The following KMT2B variants were observed in gnomAD, a reference collection of about 807,000 sequenced individuals.
The protein encoded by KMT2B is histone-lysine N-methyltransferase 2B.
KMT2B carries 22 observed loss-of-function variants against 255.3 expected under a neutral mutation model. The ratio of observed to expected loss-of-function variants is 0.09; its 90% CI spans 0.06 to 0.12. The LOEUF (loss-of-function observed/expected upper bound fraction) is 0.12, where lower values mean the gene tolerates loss of function less well. KMT2B is among the 10% of genes least tolerant of loss of function. The pLI, the probability that KMT2B is intolerant of heterozygous loss-of-function variation, is 1.00. For synonymous variants in KMT2B, 1,730 were observed against 1,498.1 expected, an observed-to-expected ratio of 1.15 and a Z score of -3.57; for missense variants, 3,149 against 3,737.0, an observed-to-expected ratio of 0.84 and a Z score of 4.10.
chr19:35,720,329 G>A lies in KMT2B; in HGVS notation c.982G>A (p.Gly328Ser). Residue 328 changes from glycine to serine, a missense_variant, in exon 3 of 37, where the codon GGT becomes AGT. By Grantham distance (56) the Gly-to-Ser change is moderately conservative. Transcript: ENST00000420124. ...GTCCTTGGGACTCGAATCAGGTCAA[G>A]GTCAAGGTCAACATGAGGAAAGTTG... Reference protein sequence around the residue: ...QLSLGLESGQGQGQHEESWQD... With the variant: ...QLSLGLESGQSQGQHEESWQD... 6.2e-7 allele frequency: 1 copy of A among 1,612,348 alleles called. No individual in the cohort carries two copies. Among genetic ancestry groups the A allele is most frequent in the Non-Finnish European group, 8.5e-7 (1 of 1,179,252 alleles).
chr19:35,737,043 G>A lies in KMT2B; in HGVS notation c.7373-43G>A, dbSNP rs1157217944. The A allele has an allele frequency of 1.2e-6, 2 of 1,609,908 alleles. No individual in the cohort carries two copies. The highest frequency in any genetic ancestry group is 1.7e-6 in the Non-Finnish European group (2 of 1,177,924). On this transcript the variant is annotated intron_variant, in intron 32 of 36. Coordinates refer to ENST00000420124, the MANE Select transcript of KMT2B (RefSeq NM_014727.3). This position sits in a 1 kb window ranked among gnomAD's most constrained non-coding sequence, Gnocchi z 5.3. ...CTGGATGTCTCCCCGAGGGCACCAT[G>A]GGCCCTCCACATGACAGGTGTGTCC...
At position 35,732,678 on chromosome 19, in the gene KMT2B, C is replaced by T. The variant is rs371790322; in HGVS notation, c.6129C>T (p.Ser2043=). The T allele has an allele frequency of 2.3e-5, 37 of 1,609,074 alleles. No individual in the cohort carries two copies. The highest frequency in any genetic ancestry group is 9.3e-5 in the African/African-American group (7 of 74,952). Residue 2043 remains serine (S), a synonymous_variant, in exon 28 of 37, where the codon TCC becomes TCT. Transcript: ENST00000420124. The part of the protein sequence containing the change: ...RYIHFPVTVV[S]APGLAPSATP... Reference sequence around the variant, plus strand: ...TCCACTTCCCTGTGACTGTGGTGTCCGCCCCTGGTCTGGCCCCCAGCGCTA... The same window carrying T: ...TCCACTTCCCTGTGACTGTGGTGTCTGCCCCTGGTCTGGCCCCCAGCGCTA...
Position 35,727,036 on chromosome 19 carries a change from T to C in KMT2B, c.4004-120T>C, listed in dbSNP as rs527732664. 2.3e-4 allele frequency: 133 copies of C among 571,318 alleles called. No individual in the cohort carries two copies. The African/African-American group carries it at 2.3e-3, about 10-fold the overall frequency. The allele number at this position is 571,318 out of a possible 1,614,324, so 35.4% of individuals were successfully genotyped here. On this transcript the variant is annotated intron_variant, in intron 14 of 36. Transcript: ENST00000420124. The surrounding 1 kb of genome is among the most constrained non-coding windows in gnomAD (Gnocchi z 4.2). ...TCCTCAAGGAGCTTTTAGGGACTAG[T>C]AGGGGCCCAAAACAGGGGCATAGTG...
In KMT2B at chr19:35,725,681, T is replaced by G; in HGVS notation, c.3790-42T>G. ...GGAGGCCTGAAGGTGAGGGCATCCC[T>G]GTGCCAGCAGGTTTCGCCATCTCTG... On this transcript the variant is annotated intron_variant, in intron 12 of 36. Transcript: ENST00000420124. This position sits in a 1 kb window ranked among gnomAD's most constrained non-coding sequence, Gnocchi z 4.1. The G allele has an allele frequency of 6.2e-7, 1 of 1,613,062 alleles. No homozygotes were observed. Among genetic ancestry groups the G allele is most frequent in the South Asian group, 1.1e-5 (1 of 91,076 alleles).
rs539376983 is a variant in KMT2B, at chr19:35,721,309, A to G, written c.1962A>G (p.Pro654=). ...TCCTTCGGGCCCCTCAGTTTACCCC[A>G]AGCGAAGCCCACCTGAAGATCTACG... ...PLLLRAPQFT[P]SEAHLKIYES... Residue 654 remains proline, a synonymous_variant, in exon 3 of 37, where the codon CCA becomes CCG. Coordinates refer to ENST00000420124, the MANE Select transcript of KMT2B (RefSeq NM_014727.3). The G allele has an allele frequency of 8.7e-5, 133 of 1,530,218 alleles. No individual in the cohort carries two copies. In the African/African-American group the frequency reaches 1.1e-3, roughly 13 times the overall value. The allele number at this position is 1,530,218 out of a possible 1,614,324, so 94.8% of individuals were successfully genotyped here.
At chr19:35,728,703 T>A in intron 19 of KMT2B, 71 bp from the exon 20 acceptor site, 1 of 1,152,254 alleles carries the variant, frequency 8.7e-7, no homozygotes, top group Non-Finnish European at 1.3e-6. Context: ...GAGTTCAGGC[T>A]GGTTTGTGGA....
At chr19:35,729,939 C>T (rs1189466438) in intron 22 of KMT2B, 28 bp from the exon 23 acceptor site, 2 of 1,601,876 alleles carry the variant, frequency 1.2e-6, no homozygotes, top group East Asian at 2.2e-5. Flanking sequence ...GCCCTGGCTT[C>T]TCCCCTGAGC....
Position 35,737,063 on chromosome 19 carries a change from G to A in KMT2B, c.7373-23G>A. The stretch of plus-strand genomic sequence containing the variant: ...ACCATGGGCCCTCCACATGACAGGT[G>A]TGTCCTCAACATCTCCCCTCAGGAA... On this transcript the variant is annotated intron_variant, in intron 32 of 36. Transcript: ENST00000420124. The surrounding 1 kb of genome is among the most constrained non-coding windows in gnomAD (Gnocchi z 5.3). The A allele has an allele frequency of 6.2e-7, 1 of 1,610,614 alleles. No individual in the cohort carries two copies. The highest frequency in any genetic ancestry group is 8.5e-7 in the Non-Finnish European group (1 of 1,178,200).
In KMT2B at chr19:35,723,341, C is replaced by T; in HGVS notation, c.3002+67C>T. On this transcript the variant is annotated intron_variant, in intron 6 of 36. Coordinates refer to ENST00000420124, the MANE Select transcript of KMT2B (RefSeq NM_014727.3). This position sits in a 1 kb window ranked among gnomAD's most constrained non-coding sequence, Gnocchi z 7.5. ...CCCCTAGGCTTCCTACCTCACTCCTCTTCTGCCTGGCCAGAGCAGTGGGGT... is the reference window on the plus strand; with the variant it reads ...CCCCTAGGCTTCCTACCTCACTCCTTTTCTGCCTGGCCAGAGCAGTGGGGT... The T allele has an allele frequency of 1.3e-6, 2 of 1,571,462 alleles. No individual in the cohort carries two copies. The highest frequency in any genetic ancestry group is 1.7e-6 in the Non-Finnish European group (2 of 1,154,468).
chr19:35,724,976 C>A lies in KMT2B; in HGVS notation c.3430-13C>A. Reference sequence around the variant, plus strand: ...GGCTGGCAGCTCTGAATTCCCCCACCTTTCCTCCCCAGGATGCTTTGGCCC... The same window carrying A: ...GGCTGGCAGCTCTGAATTCCCCCACATTTCCTCCCCAGGATGCTTTGGCCC... On this transcript the variant is annotated splice_polypyrimidine_tract_variant and intron_variant, in intron 9 of 36. Coordinates refer to ENST00000420124, the MANE Select transcript of KMT2B (RefSeq NM_014727.3). 6.3e-7 allele frequency: 1 copy of A among 1,590,056 alleles called. No homozygotes were observed.
chr19:35,733,447 C>T lies in KMT2B; in HGVS notation c.6898C>T (p.Leu2300=), dbSNP rs1328786219. The change falls in exon 28 of 37, where the codon CTG becomes TTG. Residue 2300 remains leucine, a synonymous_variant. Coordinates refer to ENST00000420124, the MANE Select transcript of KMT2B (RefSeq NM_014727.3). The surrounding 1 kb of genome is among the most constrained non-coding windows in gnomAD (Gnocchi z 4.3). ...ACCTCCCCCATACAAAGCCCCCCGG[C>T]TGGATGAAGATGGAGAGGCCTCAGA... ...PAPPPYKAPR[L]DEDGEASEDT... The T allele has an allele frequency of 2.6e-6, 4 of 1,559,800 alleles. No homozygotes were observed. The highest frequency in any genetic ancestry group is 3.8e-5 in the Admixed American group (2 of 52,662).
rs375343590 is a variant in KMT2B, at chr19:35,736,292, G to C, written c.7160-398G>C. On this transcript the variant is annotated intron_variant, in intron 30 of 36. Coordinates refer to ENST00000420124, the MANE Select transcript of KMT2B (RefSeq NM_014727.3). ...ATGTTTGTAACAGTTACAGAAATTT[G>C]CTGCATCTAAAAAAAATAGATGTGC... 10 of 174,806 alleles carry C rather than the reference G, an allele frequency of 5.7e-5. No homozygotes were observed. The East Asian group carries it at 6.1e-4, about 11-fold the overall frequency. 10.8% of individuals were successfully genotyped at this position (174,806 alleles called of 1,614,324 possible). A position where few individuals can be genotyped will look rare whatever the true frequency, so the allele number is the denominator to read the frequency against.
At chr19:35,722,508 C>T (rs768286937) in intron 4 of KMT2B, 36 bp downstream of exon 4, 31 of 1,598,798 alleles carry the variant, frequency 1.9e-5, no homozygotes, top group Admixed American at 5.1e-5. Flanking sequence ...AGAAGACTGG[C>T]GGGAGGAGTG....
In KMT2B at chr19:35,738,741, C is replaced by G. The variant is rs1177047351; in HGVS notation, c.*184C>G. ...CCCCTCCAGCCCATCCAGCAATCGC[C>G]CCCTTTCTGCCCTGGGGGCCCAGGA... is the stretch of plus-strand genomic sequence containing the variant. On this transcript the variant is annotated 3_prime_UTR_variant, in exon 37 of 37. Transcript: ENST00000420124. This position sits in a 1 kb window ranked among gnomAD's most constrained non-coding sequence, Gnocchi z 8.7. The G allele has an allele frequency of 1.6e-6, 1 of 636,032 alleles. No homozygotes were observed. Among genetic ancestry groups the G allele is most frequent in the Non-Finnish European group, 2.7e-6 (1 of 371,468 alleles). 39.4% of individuals were successfully genotyped at this position (636,032 alleles called of 1,614,324 possible).
In KMT2B at chr19:35,733,366, C is replaced by T. The variant is rs778736530; in HGVS notation, c.6817C>T (p.Arg2273Cys). ...GAGCAGTGGGCCAGCCAGCCCGCCC[C>T]GCCAGGCCATCCGCGTCAAGAGGGT... is the stretch of plus-strand genomic sequence containing the variant. The part of the protein sequence containing the change: ...VLSSGPASPP[R>C]QAIRVKRVST... Residue 2273 changes from arginine (R) to cysteine (C), a missense_variant, in exon 28 of 37, where the codon CGC (arginine) becomes TGC (cysteine). Transcript: ENST00000420124. This position sits in a 1 kb window ranked among gnomAD's most constrained non-coding sequence, Gnocchi z 4.3. 3.2e-5 allele frequency: 49 copies of T among 1,548,982 alleles called. No individual in the cohort carries two copies. The highest frequency in any genetic ancestry group is 4.8e-5 in the South Asian group (4 of 84,008).
In KMT2B at chr19:35,728,186, G is replaced by A; in HGVS notation, c.4571+15G>A. ...CGGCTGCCAAAGTGAGCAAGGCTGG[G>A]TAGCAGAAGGGAAGCCGGGGAGTGA... On this transcript the variant is annotated intron_variant, in intron 19 of 36. Coordinates refer to ENST00000420124, the MANE Select transcript of KMT2B (RefSeq NM_014727.3). 1.3e-6 allele frequency: 2 copies of A among 1,575,968 alleles called. No individual in the cohort carries two copies. The highest frequency in any genetic ancestry group is 1.7e-6 in the Non-Finnish European group (2 of 1,161,622).
chr19:35,724,328 C>G (rs1425361987), intron 8 of KMT2B, among the ~76,000 whole-genome samples: 2 of 152,118 alleles, frequency 1.3e-5, no homozygotes, highest in Non-Finnish European at 2.9e-5. Flanking sequence ...TAGTGGGACC[C>G]CATCCCTATA....
chr19:35,731,811 C>T lies in KMT2B; in HGVS notation c.5438-97C>T, dbSNP rs1969704866. On this transcript the variant is annotated intron_variant, in intron 26 of 36. Transcript: ENST00000420124. ...GGGCCTGTTGTGACTGGGTCAGGGT[C>T]GGGGACCTGGGAGGCATAGTGGCTC... The T allele has an allele frequency of 2.4e-5, 22 of 936,140 alleles. No individual in the cohort carries two copies. The South Asian group carries it at 2.8e-4, about 12-fold the overall frequency. The allele number at this position is 936,140 out of a possible 1,614,324, so 58.0% of individuals were successfully genotyped here.
rs775151433 is a variant in KMT2B at position 35,721,441 on chromosome 19, C to T, written c.2094C>T (p.Arg698=). The T allele has an allele frequency of 6.2e-6, 10 of 1,612,426 alleles. No homozygotes were observed. The highest frequency in any genetic ancestry group is 1.6e-4 in the Middle Eastern group (1 of 6,084). The change falls in exon 3 of 37, where the codon CGC becomes CGT. Residue 698 remains arginine, a synonymous_variant. Transcript: ENST00000420124. ...PAEPEPRAVG[R]TNHLSLPRFA... ...AGCCTGAGCCTCGGGCAGTGGGCCG[C>T]ACCAACCACCTCAGCCTGCCTCGAT...
Sources: gnomAD v4.1 joint callset for allele counts (sites outside exome capture counted in the v4.1 genomes callset) on GRCh38, gnomAD v4.1.1 for gene constraint, Gnocchi (gnomAD v3.1) non-coding constraint, MANE v1.5 for transcripts, NCBI Gene and HGNC (gene_info 2026-07-23, HGNC 2026-07-21) for gene names.